Variants in OLA1 observed in about 807,000 individuals in gnomAD.
OLA1 encodes obg-like ATPase 1.
Under a neutral mutation model 48.4 loss-of-function variants are expected in OLA1, and 14 were observed. The ratio of observed to expected loss-of-function variants is 0.29; its 90% CI spans 0.19 to 0.45. The LOEUF (loss-of-function observed/expected upper bound fraction) is 0.45, where lower values mean the gene tolerates loss of function less well. Ranked by LOEUF, OLA1 falls within the 20% of genes least tolerant of loss-of-function variation. The pLI is 1.00. For missense variants in OLA1, 325 were observed against 467.1 expected, an observed-to-expected ratio of 0.70 and a Z score of 2.80; for synonymous variants, 127 against 150.4, an observed-to-expected ratio of 0.84 and a Z score of 1.14.
chr2:174,130,593 A>G (rs1686158464), intron 5 of OLA1, among the ~76,000 whole-genome samples: 1 of 152,216 alleles, frequency 6.6e-6, no homozygotes, highest in African/African-American at 2.4e-5. Flanking sequence ...ATTAGTAAAG[A>G]GAAGAAGGCA....
intron 7 of OLA1, among the ~76,000 whole-genome samples, chr2:174,097,053 G>A (rs1280127565): frequency 6.6e-6 from 1 of 152,192 alleles, no homozygotes; most frequent in Non-Finnish European, 1.5e-5. Flanking sequence ...CTACTTGGGA[G>A]GCTGAGGCAG....
intron 7 of OLA1, among the ~76,000 whole-genome samples, chr2:174,090,163 G>A (rs1317263474): frequency 6.6e-6 from 1 of 152,114 alleles, no homozygotes; most frequent in Non-Finnish European, 1.5e-5. Context: ...GCATGTGTGT[G>A]TGTATGTGTA....
chr2:174,127,134 A>C (rs1420199565), intron 5 of OLA1, among the ~76,000 whole-genome samples: 1 of 151,780 alleles, frequency 6.6e-6, no homozygotes, highest in African/African-American at 2.4e-5. Context: ...GTTAACAGCA[A>C]CTGTAATGTA....
At chr2:174,109,770 G>A (rs149772580) in intron 7 of OLA1, among the ~76,000 whole-genome samples, 38 of 152,082 alleles carry the variant, frequency 2.5e-4, no homozygotes, top group African/African-American at 8.7e-4. Context: ...AATAATAAAA[G>A]CATTATCACC....
At chr2:174,125,930 C>T (rs1485888912) in intron 5 of OLA1, among the ~76,000 whole-genome samples, 1 of 152,054 alleles carries the variant, frequency 6.6e-6, no homozygotes, top group Non-Finnish European at 1.5e-5. Context: ...GAAATAAAAA[C>T]ATTTTGTACT....
intron 7 of OLA1, among the ~76,000 whole-genome samples, chr2:174,108,010 ATC>A (rs1685553113): frequency 6.6e-6 from 1 of 152,160 alleles, no homozygotes; most frequent in South Asian, 2.1e-4. Context: ...GTACAATATT[ATC>A]TCTTTTCAAA....
At chr2:174,191,777 G>GA (rs1291643636) in intron 4 of OLA1, among the ~76,000 whole-genome samples, 2 of 150,694 alleles carry the variant, frequency 1.3e-5, no homozygotes, top group South Asian at 2.1e-4. Flanking sequence ...ATTGTTTCTT[G>GA]AAAAAAAAAT....
chr2:174,193,627 A>G (rs1478182610), intron 4 of OLA1, among the ~76,000 whole-genome samples: 1 of 152,134 alleles, frequency 6.6e-6, no homozygotes. Flanking sequence ...AGTTAGCACT[A>G]TTGTTACCCT....
At chr2:174,246,928 T>A (rs1016124378) in intron 1 of OLA1, 113 bp from the exon 2 acceptor site, 1 of 553,838 alleles carries the variant, frequency 1.8e-6, no homozygotes, top group African/African-American at 1.9e-5. Flanking sequence ...CAAAACATAC[T>A]GTATATAGCG....
At chr2:174,216,919 T>C (rs1055677264) in intron 4 of OLA1, among the ~76,000 whole-genome samples, 1 of 152,174 alleles carries the variant, frequency 6.6e-6, no homozygotes, top group African/African-American at 2.4e-5. Flanking sequence ...ATATATAACA[T>C]ACAAGATGTG....
At chr2:174,159,876 T>C (rs1686972776) in intron 4 of OLA1, among the ~76,000 whole-genome samples, 1 of 152,004 alleles carries the variant, frequency 6.6e-6, no homozygotes, top group Non-Finnish European at 1.5e-5. Context: ...TTAAAGAAAA[T>C]GTTTTTATAT....
In OLA1 at chr2:174,141,020, C is replaced by A. The variant is rs191511494; in HGVS notation, c.549+805G>T. Among the ~76,000 whole-genome samples the A allele has an allele frequency of 3.5e-3, 537 of 152,316 alleles. 1 individual carries two copies. Among genetic ancestry groups the A allele is most frequent in the African/African-American group, 0.012 (512 of 41,572 alleles). The stretch of plus-strand genomic sequence containing the variant: ...GATCTTGGCTCACTGCAACCTCCGC[C>A]TCCCGGGTTCAAGCAATTCTCCTGC... On this transcript the variant is annotated intron_variant, in intron 5 of 10. Coordinates refer to ENST00000284719, the MANE Select transcript of OLA1 (RefSeq NM_013341.5).
At chr2:174,098,153 C>A (rs972269119) in intron 7 of OLA1, among the ~76,000 whole-genome samples, 4 of 152,082 alleles carry the variant, frequency 2.6e-5, no homozygotes, top group East Asian at 3.9e-4. Context: ...CAAATAGGCA[C>A]GTGAAACAAT....
intron 7 of OLA1, among the ~76,000 whole-genome samples, chr2:174,098,394 A>AT (rs1685309293): frequency 6.6e-6 from 1 of 152,238 alleles, no homozygotes; most frequent in African/African-American, 2.4e-5. Context: ...ATATTCTGAC[A>AT]TGAGAAAAGG....
intron 7 of OLA1, among the ~76,000 whole-genome samples, chr2:174,118,014 G>A (rs1685824437): frequency 6.6e-6 from 1 of 152,142 alleles, no homozygotes; most frequent in Non-Finnish European, 1.5e-5. Context: ...CGGCTGGGGA[G>A]GCCTCAGGAA....
At chr2:174,095,325 GTTTT>G (rs1205716344) in intron 7 of OLA1, among the ~76,000 whole-genome samples, 8,889 of 78,164 alleles carry the variant, frequency 0.11, 835 homozygotes, top group East Asian at 0.59. Flanking sequence ...GTTATTTCCT[GTTTT>G]TTTTTTTTTT....
chr2:174,171,902 C>T (rs1265396805), intron 4 of OLA1: 1 of 152,662 alleles, frequency 6.6e-6, no homozygotes, highest in Admixed American at 6.5e-5. Flanking sequence ...GCGCCCCCGC[C>T]CTCAGCGCTG....
chr2:174,109,287 T>A (rs1289849944), intron 7 of OLA1, among the ~76,000 whole-genome samples: 1 of 152,188 alleles, frequency 6.6e-6, no homozygotes, highest in African/African-American at 2.4e-5. Context: ...AACTTCCCAG[T>A]CTACCCCACT....
chr2:174,109,585 G>A (rs1361187347), intron 7 of OLA1, among the ~76,000 whole-genome samples: 1 of 152,026 alleles, frequency 6.6e-6, no homozygotes, highest in African/African-American at 2.4e-5. Context: ...CTTTGAATAC[G>A]GGAAAGGAAA....
Sources: allele counts gnomAD v4.1 joint callset (sites outside exome capture counted in the v4.1 genomes callset), GRCh38; gene constraint gnomAD v4.1.1; transcripts MANE v1.5; gene names NCBI Gene and HGNC (gene_info 2026-07-23, HGNC 2026-07-21).